RBFOX1: variants seen among roughly 807,000 people sequenced by gnomAD.
RBFOX1 encodes RNA binding fox-1 homolog 1.
A neutral mutation model predicts 57.7 loss-of-function variants in RBFOX1; 8 were observed. The observed-to-expected ratio is 0.14, with a 90% CI of 0.08 to 0.25. The LOEUF (loss-of-function observed/expected upper bound fraction) is 0.25, where lower values mean the gene tolerates loss of function less well. RBFOX1 is among the 10% of genes least tolerant of loss of function. The pLI, the probability that RBFOX1 is intolerant of heterozygous loss-of-function variation, is 1.00. For synonymous variants in RBFOX1, 326 were observed against 222.4 expected, an observed-to-expected ratio of 1.47 and a Z score of -4.15; for missense variants, 611 against 548.5, an observed-to-expected ratio of 1.11 and a Z score of -1.14.
chr16:6,783,643 C>G (rs571398017), intron 3 of RBFOX1, among the ~76,000 whole-genome samples: 17 of 151,978 alleles, frequency 1.1e-4, no homozygotes, highest in Non-Finnish European at 1.9e-4. Context: ...ATAGGTTTGT[C>G]TTTTAGTCTT....
At chr16:6,711,241 C>A (rs531029768) in intron 3 of RBFOX1, among the ~76,000 whole-genome samples, 5 of 152,320 alleles carry the variant, frequency 3.3e-5, no homozygotes, top group African/African-American at 1.2e-4. Flanking sequence ...CATCCTCCTC[C>A]TAACTCTGCT....
intron 4 of RBFOX1, among the ~76,000 whole-genome samples, chr16:5,905,319 C>G (rs1451921716): frequency 2.0e-5 from 3 of 151,872 alleles, no homozygotes; most frequent in Non-Finnish European, 4.4e-5. Context: ...TCCCAAAGTG[C>G]TAGGATTCCA....
chr16:7,688,196 T>A (rs1161979726), intron 14 of RBFOX1, among the ~76,000 whole-genome samples: 1 of 149,412 alleles, frequency 6.7e-6, no homozygotes, highest in African/African-American at 2.5e-5. Flanking sequence ...AGGGATTGCC[T>A]AGTAGGCATC....
chr16:5,878,528 T>G (rs113439351), intron 4 of RBFOX1, among the ~76,000 whole-genome samples: 1,754 of 152,234 alleles, frequency 0.012, 36 homozygotes, highest in African/African-American at 0.04. Flanking sequence ...GAAGCAGGCT[T>G]GAAAACCCCC....
At chr16:5,519,410 C>T (rs1200345037) in intron 2 of RBFOX1, among the ~76,000 whole-genome samples, 1 of 152,162 alleles carries the variant, frequency 6.6e-6, no homozygotes, top group Non-Finnish European at 1.5e-5. Flanking sequence ...GGCAGATATG[C>T]TCACCCATAC....
chr16:6,904,847 T>C (rs960564656), intron 3 of RBFOX1, among the ~76,000 whole-genome samples: 12 of 152,054 alleles, frequency 7.9e-5, no homozygotes, highest in African/African-American at 1.2e-4. Flanking sequence ...AAGAATTGTT[T>C]TGTTCTGCGT....
chr16:7,441,650 C>T (rs1172069815), intron 4 of RBFOX1, among the ~76,000 whole-genome samples: 1 of 152,140 alleles, frequency 6.6e-6, no homozygotes, highest in African/African-American at 2.4e-5. Flanking sequence ...GTAAAGATTA[C>T]ATTTAAAATC....
At chr16:7,331,530 C>G (rs973983757) in intron 4 of RBFOX1, among the ~76,000 whole-genome samples, 2 of 152,122 alleles carry the variant, frequency 1.3e-5, no homozygotes, top group South Asian at 4.2e-4. Context: ...AGGTCAAAGC[C>G]TTCAATCTGA....
At chr16:5,283,966 C>G (rs2063332487) in intron 1 of RBFOX1, among the ~76,000 whole-genome samples, 1 of 152,096 alleles carries the variant, frequency 6.6e-6, no homozygotes, top group South Asian at 2.1e-4. Context: ...CCACCCAAAT[C>G]TCATCTTGAA....
intron 2 of RBFOX1, among the ~76,000 whole-genome samples, chr16:6,636,316 G>A (rs1241082835): frequency 2.0e-5 from 3 of 151,992 alleles, no homozygotes; most frequent in East Asian, 3.9e-4. Context: ...GACTAGAGGC[G>A]CCTGCCACCA....
At chr16:5,607,708 C>G (rs1299990451) in intron 3 of RBFOX1, among the ~76,000 whole-genome samples, 1 of 152,206 alleles carries the variant, frequency 6.6e-6, no homozygotes, top group African/African-American at 2.4e-5. Flanking sequence ...TCTCTGTCGA[C>G]ACTACCTGCC....
At chr16:6,090,382 T>G (rs1415023080) in intron 1 of RBFOX1, among the ~76,000 whole-genome samples, 1 of 152,212 alleles carries the variant, frequency 6.6e-6, no homozygotes, top group African/African-American at 2.4e-5. Flanking sequence ...GCTGCTATTC[T>G]GCAGATCACA....
intron 3 of RBFOX1, among the ~76,000 whole-genome samples, chr16:6,957,957 G>A (rs2082214645): frequency 6.6e-6 from 1 of 152,076 alleles, no homozygotes; most frequent in Non-Finnish European, 1.5e-5. Context: ...ATCACTTCCA[G>A]CATATTCTCT....
In RBFOX1 at chr16:5,704,885, G is replaced by T. The variant is rs543970454; in HGVS notation, c.318+105924G>T. On this transcript the variant is annotated intron_variant, in intron 3 of 19. Coordinates refer to the RBFOX1 transcript ENST00000641259. ...ATTTGAATTAGGAATGAGACTTATC[G>T]GGCTTCTTACATCATGGGGATTTAA... 8.5e-5 allele frequency among the ~76,000 whole-genome samples: 13 copies of T among 152,182 alleles called. No individual in the cohort carries two copies. The South Asian group carries it at 2.7e-3, about 32-fold the overall frequency.
intron 3 of RBFOX1, among the ~76,000 whole-genome samples, chr16:7,039,735 A>T (rs2045587297): frequency 6.6e-6 from 1 of 152,208 alleles, no homozygotes; most frequent in Non-Finnish European, 1.5e-5. Flanking sequence ...GGGTATGATT[A>T]CAACCATACG....
chr16:6,910,430 T>A (rs540098435), intron 3 of RBFOX1, among the ~76,000 whole-genome samples: 1 of 152,182 alleles, frequency 6.6e-6, no homozygotes, highest in South Asian at 2.1e-4. Context: ...GTCCCCAGGT[T>A]CAATGCTGGA....
chr16:6,746,655 G>A (rs1195681406), intron 3 of RBFOX1, among the ~76,000 whole-genome samples: 1 of 151,668 alleles, frequency 6.6e-6, no homozygotes. Flanking sequence ...TTCAGCCTGA[G>A]TGACGAGTGA....
chr16:5,376,508 G>T (rs752141455), intron 1 of RBFOX1, among the ~76,000 whole-genome samples: 1 of 152,178 alleles, frequency 6.6e-6, no homozygotes, highest in East Asian at 1.9e-4. Context: ...GGGATGAGCA[G>T]ACAGGGCAGT....
At chr16:7,357,233 G>T (rs62014057) in intron 4 of RBFOX1, among the ~76,000 whole-genome samples, 4 of 131,608 alleles carry the variant, frequency 3.0e-5, no homozygotes, top group Non-Finnish European at 6.3e-5. Context: ...CAGGAGAAAT[G>T]GAAAAAAAAA....
Sources: gnomAD v4.1 joint callset for allele counts (sites outside exome capture counted in the v4.1 genomes callset) on GRCh38, gnomAD v4.1.1 for gene constraint, MANE v1.5 for transcripts, NCBI Gene and HGNC (gene_info 2026-07-23, HGNC 2026-07-21) for gene names.